The following ARID1B variants were observed in gnomAD, a reference collection of about 807,000 sequenced individuals.
The protein encoded by ARID1B is AT-rich interactive domain-containing protein 1B.
A neutral mutation model predicts 212.3 loss-of-function variants in ARID1B; 30 were observed. The ratio of observed to expected loss-of-function variants is 0.14; its 90% CI spans 0.11 to 0.19. The LOEUF (loss-of-function observed/expected upper bound fraction) is 0.19, where lower values mean the gene tolerates loss of function less well. Ranked by LOEUF, ARID1B falls within the 10% of genes least tolerant of loss-of-function variation. ARID1B has a pLI of 1.00. For synonymous variants in ARID1B, 1,402 were observed against 1,301.7 expected, an observed-to-expected ratio of 1.08 and a Z score of -1.66; for missense variants, 2,891 against 3,204.0, an observed-to-expected ratio of 0.90 and a Z score of 2.36.
intron 4 of ARID1B, among the ~76,000 whole-genome samples, chr6:156,958,107 G>A (rs1794099324): frequency 6.6e-6 from 1 of 152,168 alleles, no homozygotes. Context: ...GCTTTGGCTT[G>A]TTGTCCACAT....
chr6:156,895,603 T>C (rs1788314698), intron 2 of ARID1B, among the ~76,000 whole-genome samples: 1 of 152,160 alleles, frequency 6.6e-6, no homozygotes, highest in Non-Finnish European at 1.5e-5. Context: ...TGGGAGGATG[T>C]GGACTGGGGT....
At chr6:156,787,028 A>G (rs1283201634) in intron 1 of ARID1B, among the ~76,000 whole-genome samples, 2 of 150,168 alleles carry the variant, frequency 1.3e-5, no homozygotes, top group Non-Finnish European at 2.9e-5. Context: ...TTGTTGTGAT[A>G]TAGTTGATGT....
At chr6:157,011,343 T>G (rs1393066191) in intron 4 of ARID1B, among the ~76,000 whole-genome samples, 1 of 152,214 alleles carries the variant, frequency 6.6e-6, no homozygotes, top group Non-Finnish European at 1.5e-5. Flanking sequence ...TATGATAAAT[T>G]CCCTTGCATA....
chr6:156,988,252 T>A (rs567608418), intron 4 of ARID1B, among the ~76,000 whole-genome samples: 5 of 152,328 alleles, frequency 3.3e-5, no homozygotes, highest in Middle Eastern at 3.4e-3. Context: ...ATATGCTAAA[T>A]AATGTAAACT....
chr6:156,794,782 T>C (rs1299203756), intron 1 of ARID1B, among the ~76,000 whole-genome samples: 3 of 151,992 alleles, frequency 2.0e-5, no homozygotes, highest in Non-Finnish European at 2.9e-5. Flanking sequence ...GGTTTTGCCA[T>C]GTTGCCCAGG....
At chr6:157,034,261 C>T (rs1431541384) in intron 4 of ARID1B, among the ~76,000 whole-genome samples, 1 of 152,134 alleles carries the variant, frequency 6.6e-6, no homozygotes, top group African/African-American at 2.4e-5. Context: ...CAAAACATTG[C>T]ATTTAATAAA....
intron 8 of ARID1B, among the ~76,000 whole-genome samples, chr6:157,165,143 A>G (rs1791234002): frequency 6.6e-6 from 1 of 152,246 alleles, no homozygotes; most frequent in Non-Finnish European, 1.5e-5. Flanking sequence ...GTTTATAGCT[A>G]CTGTGCAATT....
chr6:156,902,641 T>G (rs1345314332), intron 3 of ARID1B, among the ~76,000 whole-genome samples: 1 of 149,800 alleles, frequency 6.7e-6, no homozygotes, highest in Non-Finnish European at 1.5e-5. Context: ...TTTACATACA[T>G]GTATTTAAAA....
chr6:157,187,233 G>A (rs180826221), intron 13 of ARID1B, among the ~76,000 whole-genome samples: 3 of 152,328 alleles, frequency 2.0e-5, no homozygotes, highest in Admixed American at 2.0e-4. Context: ...GAAGGGACCA[G>A]GCTGGGAGAA....
intron 2 of ARID1B, among the ~76,000 whole-genome samples, chr6:156,901,005 C>T (rs1788882874): frequency 6.6e-6 from 1 of 152,166 alleles, no homozygotes; most frequent in Non-Finnish European, 1.5e-5. Flanking sequence ...TTAATTTGGA[C>T]TGTTTGAGTT....
chr6:156,992,023 G>A (rs182596659), intron 4 of ARID1B, among the ~76,000 whole-genome samples: 1 of 152,288 alleles, frequency 6.6e-6, no homozygotes, highest in Non-Finnish European at 1.5e-5. Flanking sequence ...CTCTTGTTAT[G>A]TCTAAGTAAC....
intron 5 of ARID1B, among the ~76,000 whole-genome samples, chr6:157,102,262 T>TA (rs1309177227): frequency 6.6e-6 from 1 of 152,244 alleles, no homozygotes; most frequent in Non-Finnish European, 1.5e-5. Flanking sequence ...GAGTATAATT[T>TA]ACGCAATTGC....
chr6:156,917,296 C>T (rs1349126517), intron 3 of ARID1B, among the ~76,000 whole-genome samples: 1 of 152,126 alleles, frequency 6.6e-6, no homozygotes, highest in Non-Finnish European at 1.5e-5. Flanking sequence ...ACTTATTTAC[C>T]TCAGGGTCTG....
intron 4 of ARID1B, chr6:156,977,109 G>T (rs199740820): frequency 1.6e-5 from 4 of 256,406 alleles, no homozygotes; most frequent in Middle Eastern, 1.4e-3. Context: ...AAAAAAAAAA[G>T]ATTTTTCTCT....
intron 8 of ARID1B, 179 bp from the exon 9 acceptor site, chr6:157,166,861 A>T: frequency 1.3e-6 from 1 of 761,490 alleles, no homozygotes; most frequent in Non-Finnish European, 2.0e-6. Flanking sequence ...GGGGTGTATT[A>T]AAGAGTTACC....
At chr6:157,110,781 C>A in intron 6 of ARID1B, 1 of 584,378 alleles carries the variant, frequency 1.7e-6, no homozygotes, top group Non-Finnish European at 3.1e-6. Context: ...CAGTTCAAGG[C>A]CCAAAGAATG....
intron 1 of ARID1B, among the ~76,000 whole-genome samples, chr6:156,780,141 ATCGATTCGT>A (rs1359030162): frequency 1.3e-5 from 2 of 152,144 alleles, no homozygotes; most frequent in Non-Finnish European, 2.9e-5. Flanking sequence ...TGTAAAATAC[ATCGATTCGT>A]TCCTTAGAAT....
intron 4 of ARID1B, among the ~76,000 whole-genome samples, chr6:156,981,665 G>C (rs1777612004): frequency 6.6e-6 from 1 of 152,058 alleles, no homozygotes; most frequent in South Asian, 2.1e-4. Flanking sequence ...AATCCCATCA[G>C]GTTTTGGTTA....
intron 4 of ARID1B, chr6:156,937,813 T>A (rs935385317): frequency 6.6e-6 from 1 of 152,218 alleles, no homozygotes; most frequent in Non-Finnish European, 1.5e-5. Context: ...TTAACCTTTA[T>A]CTTGCCTACT....
Sources: gnomAD v4.1 joint callset for allele counts (sites outside exome capture counted in the v4.1 genomes callset) on GRCh38, gnomAD v4.1.1 for gene constraint, MANE v1.5 for transcripts, NCBI Gene and HGNC (gene_info 2026-07-23, HGNC 2026-07-21) for gene names.